The following MAPK4 variants were observed in gnomAD, a reference collection of about 807,000 sequenced individuals.
MAPK4 encodes Erk3-related.
Under a neutral mutation model 47.7 loss-of-function variants are expected in MAPK4, and 22 were observed. That is an observed-to-expected ratio of 0.46 (90% CI 0.33 to 0.66). The LOEUF (loss-of-function observed/expected upper bound fraction) is 0.66, where lower values mean the gene tolerates loss of function less well. Ranked by LOEUF, MAPK4 falls within the 30% of genes least tolerant of loss-of-function variation. The pLI, the probability that MAPK4 is intolerant of heterozygous loss-of-function variation, is 0.02. For synonymous variants in MAPK4, 390 were observed against 365.7 expected (o/e 1.07, Z -0.76); for missense variants, 736 against 831.7 (o/e 0.88, Z 1.42).
rs758758015 is a variant in MAPK4 at position 50,726,094 on chromosome 18, G to A, written c.986G>A (p.Arg329His). The A allele has an allele frequency of 8.1e-6, 13 of 1,613,978 alleles. No homozygotes were observed. The highest frequency in any genetic ancestry group is 4.4e-5 in the South Asian group (4 of 91,076). ...EDEPTSQHPF[R>H]IEDEIDDIVL... ...GAGCCCACCTCACAACACCCCTTCC[G>A]CATTGAGGATGAGATCGACGACATC... The change falls in exon 5 of 6, where the codon CGC becomes CAC. Residue 329 changes from arginine (R) to histidine (H), a missense_variant. By Grantham distance (29) the Arg-to-His change is conservative. Around this residue, in one of 3 missense-constraint regions of MAPK4, gnomAD observed 32 missense variants for 57.7 expected, o/e 0.55. Coordinates refer to ENST00000400384, the MANE Select transcript of MAPK4 (RefSeq NM_002747.4).
intron 1 of MAPK4, among the ~76,000 whole-genome samples, chr18:50,653,735 G>A (rs1223901691): frequency 1.3e-5 from 2 of 152,244 alleles, no homozygotes; most frequent in Admixed American, 1.3e-4. Context: ...ACCTCACAGT[G>A]TAACTAATGA....
chr18:50,606,215 A>C (rs759758688), intron 1 of MAPK4, among the ~76,000 whole-genome samples: 2 of 152,092 alleles, frequency 1.3e-5, no homozygotes, highest in Admixed American at 6.6e-5. Context: ...TTTGATGGCG[A>C]TTTGACAGAT....
intron 1 of MAPK4, among the ~76,000 whole-genome samples, chr18:50,653,201 A>AAT (rs1442573497): frequency 1.3e-5 from 2 of 152,000 alleles, no homozygotes; most frequent in Non-Finnish European, 2.9e-5. Context: ...AAAAATAAAA[A>AAT]AAAAAAAGAA....
intron 1 of MAPK4, among the ~76,000 whole-genome samples, chr18:50,617,856 G>A (rs530492348): frequency 6.6e-6 from 1 of 152,270 alleles, no homozygotes; most frequent in Non-Finnish European, 1.5e-5. Flanking sequence ...TCTTCAGCCT[G>A]AGCACTGAAT....
chr18:50,726,580 T>C (rs1158832022), intron 5 of MAPK4, among the ~76,000 whole-genome samples: 1 of 152,172 alleles, frequency 6.6e-6, no homozygotes, highest in African/African-American at 2.4e-5. Flanking sequence ...CGCTATCTCA[T>C]GTTTCATGTT....
At chr18:50,703,408 C>T (rs1237483397) in intron 2 of MAPK4, among the ~76,000 whole-genome samples, 1 of 152,240 alleles carries the variant, frequency 6.6e-6, no homozygotes, top group Non-Finnish European at 1.5e-5. Flanking sequence ...TTATAACACG[C>T]AGCCACCTGC....
intron 1 of MAPK4, among the ~76,000 whole-genome samples, chr18:50,593,442 C>T (rs1467082742): frequency 6.6e-6 from 1 of 152,166 alleles, no homozygotes. Context: ...GGCTGGAGTC[C>T]CAGCTTCCCT....
chr18:50,716,580 A>C (rs541846019), intron 3 of MAPK4, among the ~76,000 whole-genome samples: 1 of 152,282 alleles, frequency 6.6e-6, no homozygotes, highest in South Asian at 2.1e-4. Context: ...GCCAGTCTCC[A>C]CACGCTCTGG....
intron 1 of MAPK4, among the ~76,000 whole-genome samples, chr18:50,606,005 G>A (rs965250656): frequency 1.3e-5 from 2 of 150,824 alleles, no homozygotes; most frequent in African/African-American, 2.4e-5. Flanking sequence ...GAAAGTCTGG[G>A]CTGCAGCAGA....
intron 2 of MAPK4, among the ~76,000 whole-genome samples, chr18:50,711,025 C>T (rs1226288738): frequency 6.6e-6 from 1 of 152,208 alleles, no homozygotes; most frequent in Non-Finnish European, 1.5e-5. Context: ...CTTGCTGGAG[C>T]AGCTGGGAGT....
rs1229975957 is a variant in MAPK4 at position 50,726,047 on chromosome 18, C to T, written c.939C>T (p.Ser313=). 1 of 1,614,074 alleles carries T rather than the reference C, an allele frequency of 6.2e-7. No individual in the cohort carries two copies. Among genetic ancestry groups the T allele is most frequent in the Non-Finnish European group, 8.5e-7 (1 of 1,180,048 alleles). Residue 313 remains serine, a synonymous_variant, in exon 5 of 6, where the codon AGC becomes AGT. Coordinates refer to ENST00000400384, the MANE Select transcript of MAPK4 (RefSeq NM_002747.4). ...TGGGGCTGCAACACCCCTACATGAG[C>T]CCATACTCGTGCCCTGAGGACGAGC... is the stretch of plus-strand genomic sequence containing the variant. The part of the protein sequence containing the change: ...AEMGLQHPYM[S]PYSCPEDEPT...
chr18:50,710,820 TA>T (rs1910322858), intron 2 of MAPK4, among the ~76,000 whole-genome samples: 1 of 151,516 alleles, frequency 6.6e-6, no homozygotes, highest in African/African-American at 2.4e-5. Context: ...AATAAATAAA[TA>T]AATAAATTCA....
At chr18:50,654,609 G>C (rs1210467411) in intron 1 of MAPK4, among the ~76,000 whole-genome samples, 2 of 152,228 alleles carry the variant, frequency 1.3e-5, no homozygotes, top group African/African-American at 4.8e-5. Context: ...AAGGGTCAAA[G>C]GTTGCAGGAG....
intron 1 of MAPK4, among the ~76,000 whole-genome samples, chr18:50,590,898 G>T (rs1250802379): frequency 2.0e-5 from 3 of 152,192 alleles, no homozygotes; most frequent in East Asian, 3.8e-4. Context: ...ATTTAGGAAA[G>T]GTTAGTTCTC....
intron 1 of MAPK4, among the ~76,000 whole-genome samples, chr18:50,568,269 G>A (rs1240824152): frequency 6.6e-6 from 1 of 151,936 alleles, no homozygotes. Flanking sequence ...AACATCTTCA[G>A]TTCCATGTTT....
chr18:50,568,938 C>G (rs2042226221), intron 1 of MAPK4, among the ~76,000 whole-genome samples: 1 of 152,092 alleles, frequency 6.6e-6, no homozygotes, highest in Non-Finnish European at 1.5e-5. Flanking sequence ...TTTTATGGGT[C>G]TTGGTTCTTT....
intron 1 of MAPK4, among the ~76,000 whole-genome samples, chr18:50,583,628 A>T (rs1008728205): frequency 5.3e-5 from 8 of 152,158 alleles, no homozygotes; most frequent in African/African-American, 1.9e-4. Context: ...CAATTGATAG[A>T]GAGGGAGGGT....
At chr18:50,580,678 G>A (rs943439222) in intron 1 of MAPK4, among the ~76,000 whole-genome samples, 6 of 152,302 alleles carry the variant, frequency 3.9e-5, no homozygotes, top group Non-Finnish European at 2.9e-5. Flanking sequence ...AGTCACTTAA[G>A]GGTGTTCTGC....
At chr18:50,609,889 A>T (rs561192418) in intron 1 of MAPK4, among the ~76,000 whole-genome samples, 1 of 152,306 alleles carries the variant, frequency 6.6e-6, no homozygotes, top group African/African-American at 2.4e-5. Context: ...TGAAGCCTGG[A>T]TCCTGGTTCC....
Sources: gnomAD v4.1 joint callset for allele counts (sites outside exome capture counted in the v4.1 genomes callset) on GRCh38, gnomAD v4.1.1 for gene constraint, gnomAD v4.1.1 regional missense constraint, MANE v1.5 for transcripts, NCBI Gene and HGNC (gene_info 2026-07-23, HGNC 2026-07-21) for gene names.